The following UBE3C variants were observed in gnomAD, a reference collection of about 807,000 sequenced individuals.
UBE3C encodes ubiquitin protein ligase E3C.
Under a neutral mutation model 129.4 loss-of-function variants are expected in UBE3C, and 42 were observed. The ratio of observed to expected loss-of-function variants is 0.32; its 90% CI spans 0.25 to 0.42. The LOEUF (loss-of-function observed/expected upper bound fraction) is 0.42, where lower values mean the gene tolerates loss of function less well. Ranked by LOEUF, UBE3C falls within the 10% of genes least tolerant of loss-of-function variation. The pLI, the probability that UBE3C is intolerant of heterozygous loss-of-function variation, is 1.00. For synonymous variants in UBE3C, 510 were observed against 492.4 expected, an observed-to-expected ratio of 1.04 and a Z score of -0.47; for missense variants, 1,049 against 1,319.1, an observed-to-expected ratio of 0.80 and a Z score of 3.17.
At chr7:157,156,603 C>T (rs1300287111) in intron 1 of UBE3C, among the ~76,000 whole-genome samples, 2 of 151,844 alleles carry the variant, frequency 1.3e-5, no homozygotes, top group African/African-American at 4.8e-5. Flanking sequence ...CCGCATCCGG[C>T]CCCAATTCTT....
chr7:157,246,944 G>A (rs902705183), intron 18 of UBE3C, among the ~76,000 whole-genome samples: 11 of 152,236 alleles, frequency 7.2e-5, no homozygotes, highest in Non-Finnish European at 1.6e-4. Flanking sequence ...AGACTGGAGT[G>A]CAGTGGCACA....
At chr7:157,158,939 T>C (rs946668777) in intron 1 of UBE3C, among the ~76,000 whole-genome samples, 4 of 152,228 alleles carry the variant, frequency 2.6e-5, no homozygotes, top group Non-Finnish European at 4.4e-5. Context: ...AGAACTAAAG[T>C]CTGCTCCCTT....
At chr7:157,217,322 ATT>A (rs71189989) in intron 14 of UBE3C, 10 of 155,894 alleles carry the variant, frequency 6.4e-5, no homozygotes, top group South Asian at 3.3e-4. Context: ...AATTTTTGTG[ATT>A]TTTTTTTTTT....
intron 10 of UBE3C, among the ~76,000 whole-genome samples, chr7:157,193,685 A>G (rs1458477908): frequency 6.6e-6 from 1 of 151,088 alleles, no homozygotes; most frequent in Non-Finnish European, 1.5e-5. Context: ...TTTGGTGAAA[A>G]CATTCTTTAT....
intron 22 of UBE3C, among the ~76,000 whole-genome samples, chr7:157,266,619 A>G (rs1407881715): frequency 6.6e-6 from 1 of 152,186 alleles, no homozygotes; most frequent in Non-Finnish European, 1.5e-5. Flanking sequence ...TAATTACATA[A>G]TTGTATAATT....
intron 1 of UBE3C, among the ~76,000 whole-genome samples, chr7:157,147,554 T>TAA (rs1807640807): frequency 6.6e-6 from 1 of 152,134 alleles, no homozygotes; most frequent in Admixed American, 6.6e-5. Context: ...GAAAGCAATG[T>TAA]GTTTTATTGT....
At chr7:157,228,314 C>T (rs1795933334) in intron 17 of UBE3C, among the ~76,000 whole-genome samples, 1 of 152,214 alleles carries the variant, frequency 6.6e-6, no homozygotes, top group South Asian at 2.1e-4. Context: ...CTGCACTGCA[C>T]TACCTTGTTG....
At chr7:157,232,984 A>G (rs1175719023) in intron 18 of UBE3C, among the ~76,000 whole-genome samples, 4 of 152,208 alleles carry the variant, frequency 2.6e-5, no homozygotes, top group Non-Finnish European at 4.4e-5. Flanking sequence ...ACCATCACCA[A>G]TATCAAACTT....
intron 22 of UBE3C, among the ~76,000 whole-genome samples, chr7:157,265,524 G>A (rs1034181975): frequency 3.0e-4 from 45 of 152,182 alleles, no homozygotes; most frequent in African/African-American, 9.9e-4. Context: ...GTGAAAACCA[G>A]GTACGTATTC....
At chr7:157,231,357 T>A in intron 18 of UBE3C, 30 bp downstream of exon 18, 1 of 1,606,306 alleles carries the variant, frequency 6.2e-7, no homozygotes, top group Admixed American at 1.7e-5. Context: ...AAAATAGACC[T>A]CGGACCAAAA....
chr7:157,197,879 C>G (rs955463088), intron 10 of UBE3C: 2 of 1,604,944 alleles, frequency 1.2e-6, no homozygotes, highest in Admixed American at 1.7e-5. Flanking sequence ...TTGATTTATC[C>G]TCCTCTTCTG....
chr7:157,187,530 C>T (rs1284714203), intron 10 of UBE3C, among the ~76,000 whole-genome samples: 6 of 151,738 alleles, frequency 4.0e-5, no homozygotes, highest in African/African-American at 1.4e-4. Flanking sequence ...CACAGGTGTG[C>T]ACCACCACAC....
At position 157,207,852 on chromosome 7, in the gene UBE3C, T is replaced by C. The variant is rs1809477024; in HGVS notation, c.1726T>C (p.Phe576Leu). ...PEVREEYITAFQSIGVTTSSE... is the reference protein window; with the variant it reads ...PEVREEYITALQSIGVTTSSE... ...AGTTCGAGAAGAATATATTACAGCA[T>C]TTCAGAGTATTGGAGTTACTACTAG... Residue 576 changes from phenylalanine (F) to leucine (L), a missense_variant, in exon 13 of 23, where the codon TTT (phenylalanine) becomes CTT (leucine). Around this residue, in one of 4 missense-constraint regions of UBE3C, gnomAD observed 314 missense variants for 416.9 expected, o/e 0.75. Coordinates refer to ENST00000348165, the MANE Select transcript of UBE3C (RefSeq NM_014671.3). 6.2e-7 allele frequency: 1 copy of C among 1,613,952 alleles called. No individual in the cohort carries two copies. Among genetic ancestry groups the C allele is most frequent in the Admixed American group, 1.7e-5 (1 of 59,974 alleles).
chr7:157,187,198 C>T (rs1347177823), intron 10 of UBE3C, among the ~76,000 whole-genome samples, 177 bp downstream of exon 10: 1 of 152,174 alleles, frequency 6.6e-6, no homozygotes, highest in East Asian at 1.9e-4. Flanking sequence ...TCTAAACCAA[C>T]AAATACTGAG....
chr7:157,155,806 C>G (rs951638332), intron 1 of UBE3C, among the ~76,000 whole-genome samples: 11 of 152,182 alleles, frequency 7.2e-5, no homozygotes, highest in African/African-American at 2.7e-4. Context: ...CACAGGCACC[C>G]AGAGCAGTTG....
chr7:157,261,350 A>G (rs1796909158), intron 22 of UBE3C, among the ~76,000 whole-genome samples: 1 of 150,206 alleles, frequency 6.7e-6, no homozygotes, highest in Non-Finnish European at 1.5e-5. Context: ...TCCCAAATAG[A>G]CTAAAAGGGA....
At chr7:157,159,870 A>G (rs1397559228) in intron 1 of UBE3C, among the ~76,000 whole-genome samples, 1 of 152,220 alleles carries the variant, frequency 6.6e-6, no homozygotes, top group Non-Finnish European at 1.5e-5. Flanking sequence ...AGACATGTAA[A>G]TCAGAATTCT....
At chr7:157,165,422 G>T (rs1298958584) in intron 2 of UBE3C, among the ~76,000 whole-genome samples, 8 of 144,928 alleles carry the variant, frequency 5.5e-5, no homozygotes, top group Non-Finnish European at 9.0e-5. Flanking sequence ...TTTTGAGGTG[G>T]AGTCTCACTT....
intron 22 of UBE3C, among the ~76,000 whole-genome samples, chr7:157,267,251 T>A (rs1797103141): frequency 6.6e-6 from 1 of 152,076 alleles, no homozygotes; most frequent in Admixed American, 6.5e-5. Flanking sequence ...GTGAAACCCC[T>A]TATCTAGGAA....
Sources: gnomAD v4.1 joint callset for allele counts (sites outside exome capture counted in the v4.1 genomes callset) on GRCh38, gnomAD v4.1.1 for gene constraint, gnomAD v4.1.1 regional missense constraint, MANE v1.5 for transcripts, NCBI Gene and HGNC (gene_info 2026-07-23, HGNC 2026-07-21) for gene names.